Variants in IL7R observed in about 807,000 individuals in gnomAD.
The protein encoded by IL7R is interleukin 7 receptor.
Under a neutral mutation model 47.0 loss-of-function variants are expected in IL7R, and 38 were observed. The observed-to-expected ratio is 0.81, with a 90% CI of 0.62 to 1.06. The LOEUF (loss-of-function observed/expected upper bound fraction) is 1.06. Ranked by LOEUF, IL7R falls within the 50% of genes least tolerant of loss-of-function variation. The pLI is 0.00. For synonymous variants in IL7R, 221 were observed against 199.8 expected, an observed-to-expected ratio of 1.11 and a Z score of -0.89; for missense variants, 633 against 534.8, an observed-to-expected ratio of 1.18 and a Z score of -1.81.
chr5:35,869,019 T>C (rs551380902), intron 3 of IL7R, among the ~76,000 whole-genome samples: 1 of 152,190 alleles, frequency 6.6e-6, no homozygotes, highest in South Asian at 2.1e-4. Context: ...TGTGAGTCTC[T>C]TGGGGCTATG....
rs200141321 is a variant in IL7R, at chr5:35,857,062, G to A, written c.82+3G>A. On this transcript the variant is annotated splice_donor_region_variant and intron_variant, in intron 1 of 7. Coordinates refer to ENST00000303115, the MANE Select transcript of IL7R (RefSeq NM_002185.5). Reference sequence around the variant, plus strand: ...AGAAAGTGGCTATGCTCAAAATGGTGAGTCATTTCTAAGTTTTCTTATGGA... The same window carrying A: ...AGAAAGTGGCTATGCTCAAAATGGTAAGTCATTTCTAAGTTTTCTTATGGA... The A allele has an allele frequency of 6.4e-6, 10 of 1,573,442 alleles. No individual in the cohort carries two copies. The highest frequency in any genetic ancestry group is 1.1e-5 in the South Asian group (1 of 90,376).
chr5:35,877,996 A>T lies in IL7R; in HGVS notation c.*1510A>T, dbSNP rs1337131206. On this transcript the variant is annotated 3_prime_UTR_variant, in exon 8 of 8. Coordinates refer to ENST00000303115, the MANE Select transcript of IL7R (RefSeq NM_002185.5). Reference sequence around the variant, plus strand: ...TGTTGCTACTGTTTTTCTGTTTTGAATTTTCTTCTTTGTTCTGTTTTTACT... The same window carrying T: ...TGTTGCTACTGTTTTTCTGTTTTGATTTTTCTTCTTTGTTCTGTTTTTACT... 4.3e-6 allele frequency: 1 copy of T among 232,720 alleles called. No individual in the cohort carries two copies. The highest frequency in any genetic ancestry group is 8.5e-6 in the Non-Finnish European group (1 of 117,982). The allele number at this position is 232,720 out of a possible 1,614,324, so 14.4% of individuals were successfully genotyped here.
intron 1 of IL7R, among the ~76,000 whole-genome samples, chr5:35,857,903 A>T (rs1421133637): frequency 6.6e-6 from 1 of 152,204 alleles, no homozygotes; most frequent in Non-Finnish European, 1.5e-5. Context: ...TTGGCTATAG[A>T]CAATATCAAA....
At position 35,857,053 on chromosome 5, in the gene IL7R, CA is replaced by C; in HGVS notation, c.80del (p.Asn27MetfsTer22). On this transcript the variant is annotated frameshift_variant, in exon 1 of 8. Coordinates refer to ENST00000303115, the MANE Select transcript of IL7R (RefSeq NM_002185.5). LOFTEE classifies it high-confidence loss of function. ...QVVSGESGYA[Q>X]NGDLEDAELD... ...CGTTTCTGGAGAAAGTGGCTATGCT[CA>C]AAATGGTGAGTCATTTCTAAGTTTT... is the stretch of plus-strand genomic sequence containing the variant. 1.3e-6 allele frequency: 2 copies of C among 1,591,010 alleles called. No homozygotes were observed. The highest frequency in any genetic ancestry group is 1.7e-6 in the Non-Finnish European group (2 of 1,159,544).
At position 35,878,663 on chromosome 5, in the gene IL7R, C is replaced by T. The variant is rs1760275450; in HGVS notation, c.*2177C>T. ...CTCCACAAAATCTCATGCCAGGTCTCTGATACCTTATTCACAGAAGTTCTT... is the reference window on the plus strand; with the variant it reads ...CTCCACAAAATCTCATGCCAGGTCTTTGATACCTTATTCACAGAAGTTCTT... On this transcript the variant is annotated 3_prime_UTR_variant, in exon 8 of 8. Transcript: ENST00000303115. The T allele has an allele frequency of 4.3e-6, 1 of 232,774 alleles. No individual in the cohort carries two copies. Among genetic ancestry groups the T allele is most frequent in the Non-Finnish European group, 8.5e-6 (1 of 117,784 alleles). 14.4% of individuals were successfully genotyped at this position (232,774 alleles called of 1,614,324 possible). A position where few individuals can be genotyped will look rare whatever the true frequency, so the allele number is the denominator to read the frequency against.
In IL7R at chr5:35,876,177, T is replaced by C. The variant is rs142726694; in HGVS notation, c.1071T>C (p.Thr357=). ...PNCPSEDVVI[T]PESFGRDSSL... ...GCCCATCTGAGGATGTAGTCATCAC[T>C]CCAGAAAGCTTTGGAAGAGATTCAT... The change falls in exon 8 of 8, where the codon ACT becomes ACC. Residue 357 remains threonine, a synonymous_variant. Transcript: ENST00000303115. The C allele has an allele frequency of 4.5e-5, 72 of 1,614,156 alleles. 2 individuals are homozygous for C. The highest frequency in any genetic ancestry group is 1.3e-4 in the East Asian group (6 of 44,874).
At chr5:35,863,060 A>G (rs956629980) in intron 2 of IL7R, among the ~76,000 whole-genome samples, 3 of 152,034 alleles carry the variant, frequency 2.0e-5, no homozygotes, top group Admixed American at 6.6e-5. Context: ...GGGAAAGCCT[A>G]TCTACCCCAA....
rs1394251315 is a variant in IL7R, at chr5:35,873,606, C to A, written c.664C>A (p.Pro222Thr). The A allele has an allele frequency of 6.2e-7, 1 of 1,613,936 alleles. No individual in the cohort carries two copies. Among genetic ancestry groups the A allele is most frequent in the South Asian group, 1.1e-5 (1 of 91,078 alleles). ...TAAAGGCTTCTGGAGTGAATGGAGT[C>A]CAAGTTATTACTTCAGAACTCCAGA... ...YFKGFWSEWSPSYYFRTPEIN... is the reference protein window; with the variant it reads ...YFKGFWSEWSTSYYFRTPEIN... Residue 222 changes from proline (P) to threonine (T), a missense_variant, in exon 5 of 8, where the codon CCA becomes ACA. Coordinates refer to ENST00000303115, the MANE Select transcript of IL7R (RefSeq NM_002185.5).
intron 2 of IL7R, among the ~76,000 whole-genome samples, chr5:35,864,638 T>G (rs1280787440): frequency 6.6e-6 from 1 of 152,172 alleles, no homozygotes; most frequent in Non-Finnish European, 1.5e-5. Flanking sequence ...TGGGCTAGTA[T>G]CTGTTAAAAG....
chr5:35,875,669 T>G, intron 7 of IL7R, 82 bp downstream of exon 7: 1 of 1,078,660 alleles, frequency 9.3e-7, no homozygotes, highest in Non-Finnish European at 1.4e-6. Context: ...AAGGAACAGT[T>G]GAACCTCACC....
At chr5:35,875,847 G>C in intron 7 of IL7R, 136 bp from the exon 8 acceptor site, 3 of 988,086 alleles carry the variant, frequency 3.0e-6, no homozygotes, top group Non-Finnish European at 1.6e-6. Flanking sequence ...CAGAAGCAAA[G>C]AGTCCATTGA....
chr5:35,872,345 C>T (rs557014563), intron 4 of IL7R, among the ~76,000 whole-genome samples: 2 of 152,210 alleles, frequency 1.3e-5, no homozygotes, highest in East Asian at 3.9e-4. Context: ...ATTACAGGCA[C>T]CCGCCATCAT....
At chr5:35,861,264 A>G (rs1759805147) in intron 2 of IL7R, among the ~76,000 whole-genome samples, 1 of 152,104 alleles carries the variant, frequency 6.6e-6, no homozygotes, top group African/African-American at 2.4e-5. Flanking sequence ...ATCAGAATTT[A>G]AATCCTGCGT....
intron 2 of IL7R, among the ~76,000 whole-genome samples, chr5:35,866,947 A>G (rs1759954551): frequency 6.6e-6 from 1 of 152,134 alleles, no homozygotes; most frequent in Non-Finnish European, 1.5e-5. Context: ...CTTATTTCTT[A>G]CATATATTCC....
intron 1 of IL7R, among the ~76,000 whole-genome samples, chr5:35,859,764 A>G (rs368702441): frequency 6.8e-4 from 104 of 152,176 alleles, no homozygotes; most frequent in African/African-American, 2.4e-3. Flanking sequence ...ATCAACTGGG[A>G]TTTGATTTTA....
chr5:35,875,481 C>G (rs1760183956), intron 6 of IL7R, 31 bp from the exon 7 acceptor site: 1 of 1,481,440 alleles, frequency 6.8e-7, no homozygotes, highest in African/African-American at 1.4e-5. Flanking sequence ...CTCTGCCATT[C>G]ACTTCATCTA....
intron 3 of IL7R, among the ~76,000 whole-genome samples, chr5:35,868,285 T>G (rs1759989462): frequency 6.6e-6 from 1 of 152,142 alleles, no homozygotes; most frequent in South Asian, 2.1e-4. Flanking sequence ...GCATTCCCTA[T>G]TCGCTCCCCC....
At chr5:35,867,269 A>G in intron 2 of IL7R, 37 bp from the exon 3 acceptor site, 2 of 1,594,356 alleles carry the variant, frequency 1.3e-6, no homozygotes, top group Non-Finnish European at 1.7e-6. Context: ...AGGAACTCCT[A>G]CCTGAATCAA....
At position 35,877,812 on chromosome 5, in the gene IL7R, A is replaced by G. The variant is rs10491434; in HGVS notation, c.*1326A>G. Reference sequence around the variant, plus strand: ...GGTCTAGACTGACTTCTAATGACTAACTCAAAGTCAAGGCAACTGAGTAAT... The same window carrying G: ...GGTCTAGACTGACTTCTAATGACTAGCTCAAAGTCAAGGCAACTGAGTAAT... On this transcript the variant is annotated 3_prime_UTR_variant, in exon 8 of 8. Transcript: ENST00000303115. 0.29 allele frequency: 67,196 copies of G among 232,966 alleles called. 10,886 individuals carry two copies. Among genetic ancestry groups the G allele is most frequent in the African/African-American group, 0.46 (20,662 of 45,296 alleles). The allele number at this position is 232,966 out of a possible 1,614,324, so 14.4% of individuals were successfully genotyped here.
Sources: allele counts gnomAD v4.1 joint callset (sites outside exome capture counted in the v4.1 genomes callset), GRCh38; gene constraint gnomAD v4.1.1; transcripts MANE v1.5; gene names NCBI Gene and HGNC (gene_info 2026-07-23, HGNC 2026-07-21).